PIP5K1B: variants seen among roughly 807,000 people sequenced by gnomAD.
PIP5K1B encodes phosphatidylinositol-4-phosphate 5-kinase type 1 beta.
PIP5K1B carries 42 observed loss-of-function variants against 67.0 expected under a neutral mutation model. The ratio of observed to expected loss-of-function variants is 0.63; its 90% CI spans 0.49 to 0.81. The LOEUF is 0.81. Among genes scored for constraint, PIP5K1B ranks in the 30% least tolerant of loss-of-function variants. The probability of loss-of-function intolerance (pLI) is 0.00; values close to 1 mark genes in which losing one functional copy is unlikely to be tolerated. For missense variants in PIP5K1B, 459 were observed against 646.3 expected (o/e 0.71, Z 3.14); for synonymous variants, 214 against 231.4 (o/e 0.92, Z 0.68).
chr9:68,965,321 G>A (rs1828965384), intron 14 of PIP5K1B, among the ~76,000 whole-genome samples: 1 of 152,210 alleles, frequency 6.6e-6, no homozygotes, highest in Non-Finnish European at 1.5e-5. Flanking sequence ...GGCAGAGGGT[G>A]TCCCTGGAAA....
chr9:68,782,323 T>C (rs1008272306), intron 2 of PIP5K1B: 1 of 167,116 alleles, frequency 6.0e-6, no homozygotes, highest in African/African-American at 2.4e-5. Flanking sequence ...GGTAAATCAT[T>C]ATTTAACTTA....
chr9:68,895,849 A>G (rs758270951), intron 8 of PIP5K1B, among the ~76,000 whole-genome samples: 12 of 152,118 alleles, frequency 7.9e-5, no homozygotes, highest in Non-Finnish European at 4.4e-5. Context: ...AGTACTATTC[A>G]TACTTCCATT....
Position 68,901,847 on chromosome 9 carries a change from G to C in PIP5K1B, c.771+7209G>C, listed in dbSNP as rs183988768. Among the ~76,000 whole-genome samples, 600 of 152,246 alleles carry C rather than the reference G, an allele frequency of 3.9e-3. 3 individuals are homozygous for C. The highest frequency in any genetic ancestry group is 7.8e-3 in the Non-Finnish European group (528 of 68,024). On this transcript the variant is annotated intron_variant, in intron 8 of 15. Coordinates refer to ENST00000265382, the MANE Select transcript of PIP5K1B (RefSeq NM_003558.4). ...TTTTGGACTTACCTAGCCAAGCCAG[G>C]TTTTATTGTGAGAACAGAAATAATG... is the stretch of plus-strand genomic sequence containing the variant.
intron 2 of PIP5K1B, among the ~76,000 whole-genome samples, chr9:68,802,083 A>T (rs1033853306): frequency 2.0e-5 from 3 of 152,172 alleles, no homozygotes; most frequent in Admixed American, 2.0e-4. Context: ...ATTTATAATG[A>T]TTTTTAAAGT....
At chr9:68,978,681 G>T (rs1386510851) in intron 14 of PIP5K1B, among the ~76,000 whole-genome samples, 2 of 151,966 alleles carry the variant, frequency 1.3e-5, no homozygotes, top group African/African-American at 4.9e-5. Context: ...GAGAAAAGCA[G>T]ATACTGTTTA....
intron 2 of PIP5K1B, among the ~76,000 whole-genome samples, chr9:68,803,539 G>C (rs1261515081): frequency 6.6e-5 from 10 of 152,190 alleles, no homozygotes; most frequent in Admixed American, 2.6e-4. Flanking sequence ...GGCATATATG[G>C]AGGCCCTGCT....
At chr9:68,798,002 C>T (rs1832388339) in intron 2 of PIP5K1B, among the ~76,000 whole-genome samples, 1 of 152,106 alleles carries the variant, frequency 6.6e-6, no homozygotes, top group Admixed American at 6.5e-5. Flanking sequence ...GGCATGAGTA[C>T]TGTTATGCTA....
At chr9:68,780,160 C>T in intron 2 of PIP5K1B, 1 of 1,510,788 alleles carries the variant, frequency 6.6e-7, no homozygotes, top group South Asian at 1.3e-5. Context: ...CTCCCTGCCC[C>T]CGACATGGCT....
At chr9:68,982,351 C>A (rs1267221352) in intron 14 of PIP5K1B, among the ~76,000 whole-genome samples, 1 of 152,176 alleles carries the variant, frequency 6.6e-6, no homozygotes, top group Non-Finnish European at 1.5e-5. Context: ...ATCAACAATG[C>A]AGTAAAAATA....
intron 8 of PIP5K1B, among the ~76,000 whole-genome samples, chr9:68,910,304 A>T (rs1287531363): frequency 6.6e-6 from 1 of 152,206 alleles, no homozygotes; most frequent in Non-Finnish European, 1.5e-5. Context: ...TATATAAAAT[A>T]CCTATGGTGT....
chr9:68,749,197 T>C (rs1235781482), intron 2 of PIP5K1B, among the ~76,000 whole-genome samples: 1 of 152,228 alleles, frequency 6.6e-6, no homozygotes, highest in Admixed American at 6.5e-5. Flanking sequence ...TTGAGGGGAT[T>C]ACCCTGTATC....
rs147590564 is a variant in PIP5K1B at position 68,720,259 on chromosome 9, T to C, written c.-243+14497T>C. 1.0e-3 allele frequency among the ~76,000 whole-genome samples: 152 copies of C among 152,318 alleles called. 1 individual carries two copies. The East Asian group carries it at 0.019, about 19-fold the overall frequency. ...AGCCTTGCCACTGCTTCAAGTTCCT[T>C]CCCCGAGGAGCAGCCTTGTTTGTTG... On this transcript the variant is annotated intron_variant, in intron 1 of 15. Transcript: ENST00000265382.
intron 13 of PIP5K1B, among the ~76,000 whole-genome samples, chr9:68,935,575 T>C (rs185581497): frequency 1.3e-5 from 2 of 152,280 alleles, no homozygotes; most frequent in Non-Finnish European, 2.9e-5. Context: ...AATTAGACAA[T>C]ACTAATTCAA....
chr9:68,885,550 A>G (rs900017869), intron 6 of PIP5K1B, among the ~76,000 whole-genome samples: 1 of 152,246 alleles, frequency 6.6e-6, no homozygotes, highest in Admixed American at 6.5e-5. Flanking sequence ...AAAACATCAC[A>G]TACCCAATAC....
At chr9:68,968,043 A>T (rs1284867289) in intron 14 of PIP5K1B, among the ~76,000 whole-genome samples, 3 of 152,232 alleles carry the variant, frequency 2.0e-5, no homozygotes, top group Non-Finnish European at 4.4e-5. Context: ...GTGAAGAAAG[A>T]AAAGAGAAGA....
chr9:68,876,970 T>C (rs934163545), intron 6 of PIP5K1B, among the ~76,000 whole-genome samples, 176 bp downstream of exon 6: 12 of 152,210 alleles, frequency 7.9e-5, no homozygotes, highest in African/African-American at 2.9e-4. Context: ...TGTGACTTTG[T>C]AGCTTTTACT....
chr9:68,861,874 AG>A (rs1823093807), intron 4 of PIP5K1B, among the ~76,000 whole-genome samples: 1 of 150,746 alleles, frequency 6.6e-6, no homozygotes, highest in African/African-American at 2.4e-5. Flanking sequence ...TTAAAATAGC[AG>A]GGGGTTTTTT....
intron 2 of PIP5K1B, among the ~76,000 whole-genome samples, chr9:68,817,519 G>T (rs540775911): frequency 6.6e-6 from 1 of 152,248 alleles, no homozygotes; most frequent in East Asian, 1.9e-4. Flanking sequence ...TTAAACAATG[G>T]TATGTCCATC....
At chr9:68,748,643 CAG>C (rs34755669) in intron 2 of PIP5K1B, among the ~76,000 whole-genome samples, 67,039 of 126,762 alleles carry the variant, frequency 0.53, 17,721 homozygotes, top group Middle Eastern at 0.68. Context: ...TTGTTTGAGA[CAG>C]AGTTTCACTC....
Sources: gnomAD v4.1 joint callset for allele counts (sites outside exome capture counted in the v4.1 genomes callset) on GRCh38, gnomAD v4.1.1 for gene constraint, MANE v1.5 for transcripts, NCBI Gene and HGNC (gene_info 2026-07-23, HGNC 2026-07-21) for gene names.